The following PIK3CD variants were observed in gnomAD, a reference collection of about 807,000 sequenced individuals.
The protein encoded by PIK3CD is phosphatidylinositol-4,5-bisphosphate 3-kinase catalytic subunit delta, also known as phosphatidylinositol 4,5-bisphosphate 3-kinase catalytic subunit delta isoform.
A neutral mutation model predicts 122.9 loss-of-function variants in PIK3CD; 20 were observed. The observed-to-expected ratio is 0.16, with a 90% confidence interval of 0.11 to 0.24. The LOEUF is 0.24. Ranked by LOEUF, PIK3CD falls within the 10% of genes least tolerant of loss-of-function variation. The probability of loss-of-function intolerance (pLI) is 1.00; values close to 1 mark genes in which losing one functional copy is unlikely to be tolerated. For missense variants in PIK3CD, 787 were observed against 1,406.3 expected (o/e 0.56, Z 7.04); for synonymous variants, 596 against 593.4 (o/e 1.00, Z -0.06).
In PIK3CD at chr1:9,727,322, G is replaced by C. The variant is rs1649815484; in HGVS notation, c.*276G>C. On this transcript the variant is annotated 3_prime_UTR_variant, in exon 24 of 24. Coordinates refer to ENST00000377346, the MANE Select transcript of PIK3CD (RefSeq NM_005026.5). ...GAGGATTGTCACCCCAAGTCTTCCA[G>C]CTGGTGGATCTGGGCCCAGCAAAGA... 9.7e-6 allele frequency: 5 copies of C among 515,208 alleles called. No homozygotes were observed. Among genetic ancestry groups the C allele is most frequent in the Non-Finnish European group, 1.8e-5 (5 of 283,534 alleles). 31.9% of individuals were successfully genotyped at this position (515,208 alleles called of 1,614,324 possible).
intron 3 of PIK3CD, among the ~76,000 whole-genome samples, chr1:9,712,577 G>A (rs1227291990): frequency 6.6e-6 from 1 of 151,820 alleles, no homozygotes; most frequent in Non-Finnish European, 1.5e-5. Flanking sequence ...CATGGCACCC[G>A]GCCCTTATCC....
intron 1 of PIK3CD, among the ~76,000 whole-genome samples, chr1:9,685,399 C>CTA (rs1645928069): frequency 1.3e-5 from 2 of 151,958 alleles, no homozygotes; most frequent in African/African-American, 4.8e-5. Context: ...CGCTCTGTTG[C>CTA]CCAGGCTGGA....
intron 2 of PIK3CD, among the ~76,000 whole-genome samples, chr1:9,706,050 ATTTTTTTTTTTT>A (rs140912843): frequency 3.2e-4 from 27 of 85,206 alleles, no homozygotes; most frequent in Middle Eastern, 9.1e-3. Flanking sequence ...ATTTATTGGA[ATTTTTTTTTTTT>A]TTTTTTTTTT....
At chr1:9,682,474 G>A (rs1645792800) in intron 1 of PIK3CD, among the ~76,000 whole-genome samples, 1 of 152,098 alleles carries the variant, frequency 6.6e-6, no homozygotes, top group African/African-American at 2.4e-5. Flanking sequence ...CTGACCTCAG[G>A]TGATCTGCCC....
the PIK3CD span, among the ~76,000 whole-genome samples, chr1:9,641,149 G>A: frequency 6.6e-6 from 1 of 152,230 alleles, no homozygotes; most frequent in Admixed American, 6.5e-5. Flanking sequence ...TTGCGGGGGC[G>A]GCAGGCCTGG....
At chr1:9,638,031 C>T in the PIK3CD span, among the ~76,000 whole-genome samples, 3 of 151,912 alleles carry the variant, frequency 2.0e-5, no homozygotes, top group Admixed American at 6.6e-5. Context: ...TGCTTGAACC[C>T]GGGAGGTAGA....
At chr1:9,699,794 T>C (rs1646559804) in intron 2 of PIK3CD, among the ~76,000 whole-genome samples, 1 of 152,226 alleles carries the variant, frequency 6.6e-6, no homozygotes. Context: ...GGTTTCACCG[T>C]GTGGGCCAGG....
In PIK3CD at chr1:9,722,133, C is replaced by T; in HGVS notation, c.2214C>T (p.Ser738=). Residue 738 remains serine (S), a synonymous_variant, in exon 17 of 24, where the codon AGC becomes AGT. Coordinates refer to ENST00000377346, the MANE Select transcript of PIK3CD (RefSeq NM_005026.5). This position sits in a 1 kb window ranked among gnomAD's most constrained non-coding sequence, Gnocchi z 7.6. ...LSHLQSPLDP[S]TLLAEVCVEQ... ...ACCTGCAGTCCCCACTCGACCCCAG[C>T]ACCCTGCTGGCTGAAGTCTGGTGAG... 24 of 1,613,090 alleles carry T rather than the reference C, an allele frequency of 1.5e-5. No individual in the cohort carries two copies. The highest frequency in any genetic ancestry group is 2.0e-5 in the Non-Finnish European group (24 of 1,179,862).
chr1:9,655,807 C>A (rs890781621), intron 1 of PIK3CD, among the ~76,000 whole-genome samples: 2 of 151,470 alleles, frequency 1.3e-5, no homozygotes, highest in African/African-American at 4.9e-5. Flanking sequence ...AGCGATTCTC[C>A]CACCTCAGCC....
At chr1:9,690,039 C>T (rs1040223261) in intron 1 of PIK3CD, among the ~76,000 whole-genome samples, 2 of 152,188 alleles carry the variant, frequency 1.3e-5, no homozygotes, top group Non-Finnish European at 2.9e-5. Context: ...AGGCCTCCAG[C>T]GGGCTTCGCA....
chr1:9,671,789 T>C (rs1354163721), intron 1 of PIK3CD, among the ~76,000 whole-genome samples: 3 of 152,104 alleles, frequency 2.0e-5, no homozygotes, highest in African/African-American at 2.4e-5. Flanking sequence ...GGAGCTTGGG[T>C]ATCTGAGGCA....
At chr1:9,725,040 C>A (rs954304141) in intron 23 of PIK3CD, 104 bp downstream of exon 23, 38 of 1,398,154 alleles carry the variant, frequency 2.7e-5, no homozygotes, top group Non-Finnish European at 3.7e-5. Context: ...CCAAAGGGCA[C>A]TGAGCTGTGT....
intron 1 of PIK3CD, chr1:9,654,132 T>A: frequency 8.2e-7 from 1 of 1,226,586 alleles, no homozygotes; most frequent in Non-Finnish European, 1.1e-6. Flanking sequence ...AGCCTCCTTC[T>A]GAGCCCCACT....
chr1:9,627,497 C>A, the PIK3CD span, among the ~76,000 whole-genome samples: 1 of 152,244 alleles, frequency 6.6e-6, no homozygotes, highest in Admixed American at 6.5e-5. Flanking sequence ...CCTCAGACTT[C>A]GCGCCCGTCA....
rs368123512 is a variant in PIK3CD at position 9,727,327 on chromosome 1, TG to T, written c.*283del. ...TTGTCACCCCAAGTCTTCCAGCTGG[TG>T]GATCTGGGCCCAGCAAAGACTGTTC... On this transcript the variant is annotated 3_prime_UTR_variant, in exon 24 of 24. Transcript: ENST00000377346. 2.5e-3 allele frequency: 1,290 copies of T among 508,422 alleles called. 12 individuals carry two copies. The highest frequency in any genetic ancestry group is 0.02 in the African/African-American group (1,051 of 52,420). The allele number at this position is 508,422 out of a possible 1,614,324, so 31.5% of individuals were successfully genotyped here. A position where few individuals can be genotyped will look rare whatever the true frequency, so the allele number is the denominator to read the frequency against.
chr1:9,664,613 C>T (rs1254502840), intron 1 of PIK3CD, among the ~76,000 whole-genome samples: 1 of 152,150 alleles, frequency 6.6e-6, no homozygotes, highest in Non-Finnish European at 1.5e-5. Flanking sequence ...TCTTTGCAAA[C>T]GAGGCATTGT....
intron 1 of PIK3CD, among the ~76,000 whole-genome samples, chr1:9,659,375 T>A (rs1644948226): frequency 6.6e-6 from 1 of 152,226 alleles, no homozygotes; most frequent in Non-Finnish European, 1.5e-5. Flanking sequence ...TTAATTTTCA[T>A]GTTTTAATTG....
rs1646999962 is a variant in PIK3CD, at chr1:9,710,433, C to T, written c.-23C>T. The T allele has an allele frequency of 1.2e-6, 2 of 1,613,742 alleles. No individual in the cohort carries two copies. The highest frequency in any genetic ancestry group is 1.7e-6 in the Non-Finnish European group (2 of 1,179,744). ...ATTTCTTCATTTTTAGGACAACTGT[C>T]ATCTGGGAAGTAACAACGCAGGATG... On this transcript the variant is annotated 5_prime_UTR_variant, in exon 3 of 24. Transcript: ENST00000377346. The surrounding 1 kb of genome is among the most constrained non-coding windows in gnomAD (Gnocchi z 4.7).
At chr1:9,681,932 AG>A (rs974424573) in intron 1 of PIK3CD, among the ~76,000 whole-genome samples, 1 of 152,158 alleles carries the variant, frequency 6.6e-6, no homozygotes, top group African/African-American at 2.4e-5. Flanking sequence ...TTGTTCTGGA[AG>A]GGATTTCAGT....
Sources: allele counts gnomAD v4.1 joint callset (sites outside exome capture counted in the v4.1 genomes callset), GRCh38; gene constraint gnomAD v4.1.1; non-coding constraint Gnocchi (gnomAD v3.1); transcripts MANE v1.5; gene names NCBI Gene and HGNC (gene_info 2026-07-23, HGNC 2026-07-21).